The following TBC1D9B variants were observed in gnomAD, a reference collection of about 807,000 sequenced individuals.
TBC1D9B encodes the protein TBC1 domain family member 9B, also known as TBC1 domain family, member 9B (with GRAM domain).
TBC1D9B carries 87 observed loss-of-function variants against 121.1 expected under a neutral mutation model. That is an observed-to-expected ratio of 0.72 (90% CI 0.60 to 0.86). The LOEUF (loss-of-function observed/expected upper bound fraction) is 0.86, where lower values mean the gene tolerates loss of function less well. Among genes scored for constraint, TBC1D9B ranks in the 40% least tolerant of loss-of-function variants. TBC1D9B has a pLI of 0.00. For missense variants in TBC1D9B, 1,540 were observed against 1,628.6 expected (o/e 0.95, Z 0.94); for synonymous variants, 668 against 670.1 (o/e 1.00, Z 0.05).
intron 10 of TBC1D9B, among the ~76,000 whole-genome samples, chr5:179,876,492 C>T (rs1184589752): frequency 6.6e-6 from 1 of 152,232 alleles, no homozygotes; most frequent in Admixed American, 6.5e-5. Flanking sequence ...AGGCCACCCA[C>T]TCGGTGCACA....
intron 3 of TBC1D9B, among the ~76,000 whole-genome samples, chr5:179,895,428 C>T (rs951340833): frequency 6.6e-6 from 1 of 152,206 alleles, no homozygotes; most frequent in Non-Finnish European, 1.5e-5. Flanking sequence ...TCTCTTATCA[C>T]ATCCTGGAGG....
chr5:179,863,522 T>C lies in TBC1D9B; in HGVS notation c.3628A>G (p.Ile1210Val), dbSNP rs2113594470. The change falls in exon 21 of 21, where the codon ATC becomes GTC. Residue 1210 changes from isoleucine (I) to valine (V), a missense_variant. Coordinates refer to ENST00000355235, the MANE Select transcript of TBC1D9B (RefSeq NM_015043.4). This position sits in a 1 kb window ranked among gnomAD's most constrained non-coding sequence, Gnocchi z 4.5. Reference protein sequence around the residue: ...FEKRVDIGLKIKDQKKVERQF... With the variant: ...FEKRVDIGLKVKDQKKVERQF... ...CTCTCCACTTTCTTTTGGTCCTTGA[T>C]CTTGAGTCCAATGTCCACTCTCTTC... The C allele has an allele frequency of 1.9e-6, 3 of 1,614,170 alleles. No individual in the cohort carries two copies. In the East Asian group the frequency reaches 6.7e-5, roughly 36 times the overall value.
rs1759981414 is a variant in TBC1D9B at position 179,865,456 on chromosome 5, G to A, written c.2915-96C>T. The A allele has an allele frequency of 8.5e-7, 1 of 1,178,052 alleles. No individual in the cohort carries two copies. Among genetic ancestry groups the A allele is most frequent in the South Asian group, 1.2e-5 (1 of 81,410 alleles). 73.0% of individuals were successfully genotyped at this position (1,178,052 alleles called of 1,614,324 possible). On this transcript the variant is annotated intron_variant, in intron 19 of 20. Transcript: ENST00000355235. The surrounding 1 kb of genome is among the most constrained non-coding windows in gnomAD (Gnocchi z 5.1). Reference sequence around the variant, plus strand: ...AGAGTTGGGTGTTTTCTGGCATGGAGTTACCAGGGCCCTATCATAAAACAC... The same window carrying A: ...AGAGTTGGGTGTTTTCTGGCATGGAATTACCAGGGCCCTATCATAAAACAC...
At chr5:179,897,922 A>G (rs1761062397) in intron 3 of TBC1D9B, among the ~76,000 whole-genome samples, 1 of 152,218 alleles carries the variant, frequency 6.6e-6, no homozygotes, top group African/African-American at 2.4e-5. Flanking sequence ...AGGAATTCAC[A>G]TGGGCCTGCC....
chr5:179,897,663 G>A lies in TBC1D9B; in HGVS notation c.348+1526C>T, dbSNP rs968923700. Among the ~76,000 whole-genome samples, 10 of 152,134 alleles carry A rather than the reference G, an allele frequency of 6.6e-5. No individual in the cohort carries two copies. In the South Asian group the frequency reaches 2.1e-3, roughly 32 times the overall value. On this transcript the variant is annotated intron_variant, in intron 3 of 20. Transcript: ENST00000355235. Reference sequence around the variant, plus strand: ...TTTTCTAATTTCCATTTCTTCCTTGGCCTATGAGTCATTTGGTTTGTTCTG... The same window carrying A: ...TTTTCTAATTTCCATTTCTTCCTTGACCTATGAGTCATTTGGTTTGTTCTG...
intron 17 of TBC1D9B, 113 bp from the exon 18 acceptor site, chr5:179,867,962 C>G: frequency 1.0e-6 from 1 of 980,540 alleles, no homozygotes; most frequent in Non-Finnish European, 1.4e-6. Flanking sequence ...CGAGCCTGGC[C>G]AGTCCCAGCA....
At chr5:179,871,013 CTT>C (rs1156390949) in intron 15 of TBC1D9B, among the ~76,000 whole-genome samples, 1 of 152,204 alleles carries the variant, frequency 6.6e-6, no homozygotes, top group Non-Finnish European at 1.5e-5. Flanking sequence ...GAAAAATTCT[CTT>C]TGCACTGGGA....
At position 179,879,212 on chromosome 5, in the gene TBC1D9B, C is replaced by A; in HGVS notation, c.1417-15G>T. Reference sequence around the variant, plus strand: ...TTCTCCTTGGCCTGAGGGAAAAGCGCATCAGGGAGCCTGGGGGCCGAAGCG... The same window carrying A: ...TTCTCCTTGGCCTGAGGGAAAAGCGAATCAGGGAGCCTGGGGGCCGAAGCG... On this transcript the variant is annotated splice_polypyrimidine_tract_variant and intron_variant, in intron 8 of 20. Transcript: ENST00000355235. 1 of 1,595,014 alleles carries A rather than the reference C, an allele frequency of 6.3e-7. No individual in the cohort carries two copies. Among genetic ancestry groups the A allele is most frequent in the East Asian group, 2.2e-5 (1 of 44,604 alleles).
At chr5:179,889,064 C>T (rs188472785) in intron 6 of TBC1D9B, among the ~76,000 whole-genome samples, 2 of 151,556 alleles carry the variant, frequency 1.3e-5, no homozygotes, top group East Asian at 3.9e-4. Context: ...CGGAGTCTCG[C>T]TGTCGCCCAG....
In TBC1D9B at chr5:179,863,319, C is replaced by A. The variant is rs1582068856; in HGVS notation, c.*129G>T. The A allele has an allele frequency of 1.8e-6, 2 of 1,118,572 alleles. No individual in the cohort carries two copies. Among genetic ancestry groups the A allele is most frequent in the South Asian group, 3.2e-5 (2 of 61,928 alleles). The allele number at this position is 1,118,572 out of a possible 1,614,324, so 69.3% of individuals were successfully genotyped here. A position where few individuals can be genotyped will look rare whatever the true frequency, so the allele number is the denominator to read the frequency against. On this transcript the variant is annotated 3_prime_UTR_variant, in exon 21 of 21. Transcript: ENST00000355235. This position sits in a 1 kb window ranked among gnomAD's most constrained non-coding sequence, Gnocchi z 4.5. ...TCTGCACCAGCCTTCTTTCCACTCA[C>A]AACTCACTGCTCCTGGGAGAGCAGG...
chr5:179,879,017 T>C, intron 9 of TBC1D9B, 30 bp downstream of exon 9: 1 of 1,594,228 alleles, frequency 6.3e-7, no homozygotes, highest in Non-Finnish European at 8.5e-7. Context: ...CTGGCTGAGC[T>C]GAGGCTGGGG....
chr5:179,863,573 C>T lies in TBC1D9B; in HGVS notation c.3577G>A (p.Glu1193Lys), dbSNP rs1397474201. The stretch of plus-strand genomic sequence containing the variant: ...TCAAAGAAGTTCACCAGCACGGACT[C>T]CGTCAGGATGGAGGCCAGGATCTGC... ...FEQILASILT[E>K]SVLVNFFEKR... Residue 1193 changes from glutamate (E) to lysine (K), a missense_variant, in exon 21 of 21, where the codon GAG (glutamate) becomes AAG (lysine). Transcript: ENST00000355235. The surrounding 1 kb of genome is among the most constrained non-coding windows in gnomAD (Gnocchi z 4.5). 6.2e-7 allele frequency: 1 copy of T among 1,614,204 alleles called. No homozygotes were observed. Among genetic ancestry groups the T allele is most frequent in the Non-Finnish European group, 8.5e-7 (1 of 1,180,050 alleles).
chr5:179,862,955 A>G lies in TBC1D9B; in HGVS notation c.*493T>C, dbSNP rs1193427535. The G allele has an allele frequency of 4.0e-6, 1 of 249,954 alleles. No individual in the cohort carries two copies. The highest frequency in any genetic ancestry group is 8.2e-6 in the Non-Finnish European group (1 of 121,578). 15.5% of individuals were successfully genotyped at this position (249,954 alleles called of 1,614,324 possible). ...CCCATGTTCCTCAGTCAGGAGGTTC[A>G]GGCTCCCGGAGAGCACCTGAGGGTT... is the stretch of plus-strand genomic sequence containing the variant. On this transcript the variant is annotated 3_prime_UTR_variant, in exon 21 of 21. Transcript: ENST00000355235.
Position 179,865,965 on chromosome 5 carries a change from T to C in TBC1D9B, c.2864-77A>G. On this transcript the variant is annotated intron_variant, in intron 18 of 20. Transcript: ENST00000355235. This position sits in a 1 kb window ranked among gnomAD's most constrained non-coding sequence, Gnocchi z 5.1. ...CTGCAAGCTCCTGGGGTCCTTGAGA[T>C]GTAGTCTGTGTTTCTGTACAGCCAG... is the stretch of plus-strand genomic sequence containing the variant. 3 of 1,565,914 alleles carry C rather than the reference T, an allele frequency of 1.9e-6. No homozygotes were observed. The highest frequency in any genetic ancestry group is 2.2e-5 in the East Asian group (1 of 44,516).
intron 7 of TBC1D9B, chr5:179,880,103 GAGGCC>G: frequency 4.6e-6 from 2 of 433,032 alleles, no homozygotes; most frequent in South Asian, 2.9e-5. Context: ...AAGGACAGGA[GAGGCC>G]CTATCCTAAC....
chr5:179,892,672 G>A (rs1163790360), intron 5 of TBC1D9B, among the ~76,000 whole-genome samples: 3 of 152,180 alleles, frequency 2.0e-5, no homozygotes, highest in Non-Finnish European at 4.4e-5. Context: ...CTGCTTCCAC[G>A]TCAAACTCAG....
At position 179,883,502 on chromosome 5, in the gene TBC1D9B, G is replaced by A. The variant is rs1760595635; in HGVS notation, c.1255-3713C>T. ...TTTACCTTAATGTATTTTCATTCTT[G>A]TGTTCCTGATTTTCATTTCAGAAAT... On this transcript the variant is annotated intron_variant, in intron 7 of 20. Transcript: ENST00000355235. 2.0e-5 allele frequency among the ~76,000 whole-genome samples: 3 copies of A among 150,606 alleles called. No individual in the cohort carries two copies. The South Asian group carries it at 6.3e-4, about 31-fold the overall frequency.
At chr5:179,872,532 A>G (rs913270944) in intron 14 of TBC1D9B, 5 of 265,828 alleles carry the variant, frequency 1.9e-5, no homozygotes, top group African/African-American at 4.4e-5. Flanking sequence ...TGGCAGACAC[A>G]TGCCATTTGG....
At chr5:179,870,637 C>G (rs1760164804) in intron 15 of TBC1D9B, 142 bp from the exon 16 acceptor site, 1 of 1,280,810 alleles carries the variant, frequency 7.8e-7, no homozygotes, top group Non-Finnish European at 1.0e-6. Context: ...GACACTGCAG[C>G]ACCTCCCGAA....
Sources: allele counts gnomAD v4.1 joint callset (sites outside exome capture counted in the v4.1 genomes callset), GRCh38; gene constraint gnomAD v4.1.1; non-coding constraint Gnocchi (gnomAD v3.1); transcripts MANE v1.5; gene names NCBI Gene and HGNC (gene_info 2026-07-23, HGNC 2026-07-21).